The following SYNDIG1L variants were observed in gnomAD, a reference collection of about 807,000 sequenced individuals.
SYNDIG1L encodes the protein synapse differentiation inducing 1 like.
In SYNDIG1L, 13 loss-of-function variants were observed where a neutral mutation model predicts 20.1. The observed-to-expected ratio is 0.65, with a 90% CI of 0.42 to 1.03. The LOEUF (loss-of-function observed/expected upper bound fraction) is 1.03. Ranked by LOEUF, SYNDIG1L falls within the 50% of genes least tolerant of loss-of-function variation. The pLI is 0.00. For missense variants in SYNDIG1L, 294 were observed against 305.1 expected (o/e 0.96, Z 0.27); for synonymous variants, 128 against 129.3 (o/e 0.99, Z 0.07).
At chr14:74,414,765 T>C (rs1207142985) in intron 1 of SYNDIG1L, among the ~76,000 whole-genome samples, 3 of 152,198 alleles carry the variant, frequency 2.0e-5, no homozygotes, top group Non-Finnish European at 4.4e-5. Context: ...TGACTCTAGA[T>C]TCCTGGTAAT....
chr14:74,459,275 G>A, the SYNDIG1L span, among the ~76,000 whole-genome samples: 4 of 152,250 alleles, frequency 2.6e-5, no homozygotes, highest in South Asian at 8.3e-4. Flanking sequence ...CAGCACTTTG[G>A]GAGGCTGAGG....
chr14:74,409,313 A>T lies in SYNDIG1L; in HGVS notation c.417+15T>A. ...TGCTCATGCTGGAATCTGCATTTTA[A>T]CCTCATGCACTCACCTCCTCTTCCT... is the stretch of plus-strand genomic sequence containing the variant. On this transcript the variant is annotated intron_variant, in intron 2 of 3. Transcript: ENST00000331628. The T allele has an allele frequency of 1.4e-6, 2 of 1,438,740 alleles. No individual in the cohort carries two copies. The highest frequency in any genetic ancestry group is 1.8e-6 in the Non-Finnish European group (2 of 1,083,184). The allele number at this position is 1,438,740 out of a possible 1,614,324, so 89.1% of individuals were successfully genotyped here.
intron 1 of SYNDIG1L, among the ~76,000 whole-genome samples, chr14:74,414,535 G>C (rs547619332): frequency 1.4e-4 from 21 of 152,306 alleles, no homozygotes; most frequent in Non-Finnish European, 2.5e-4. Flanking sequence ...GAATCCGCTG[G>C]AGTCAAATTA....
intron 1 of SYNDIG1L, among the ~76,000 whole-genome samples, chr14:74,415,664 C>T (rs2086168465): frequency 6.6e-6 from 1 of 152,036 alleles, no homozygotes; most frequent in Non-Finnish European, 1.5e-5. Context: ...CTCAACCTCC[C>T]AGGTAGCTGG....
the SYNDIG1L span, among the ~76,000 whole-genome samples, chr14:74,440,065 T>C: frequency 6.6e-6 from 1 of 151,892 alleles, no homozygotes; most frequent in East Asian, 1.9e-4. Flanking sequence ...TAGTCTACCA[T>C]GGCATTATTT....
intron 1 of SYNDIG1L, among the ~76,000 whole-genome samples, chr14:74,417,153 C>A (rs1234339146): frequency 6.6e-6 from 1 of 152,202 alleles, no homozygotes; most frequent in Non-Finnish European, 1.5e-5. Context: ...TTTCTGAGAT[C>A]ACACAGCTAG....
the SYNDIG1L span, among the ~76,000 whole-genome samples, chr14:74,448,618 A>G: frequency 1.3e-5 from 2 of 152,316 alleles, no homozygotes; most frequent in East Asian, 1.9e-4. Context: ...ACCAAGATAG[A>G]CCATATTTTG....
chr14:74,407,727 T>G (rs2086094629), intron 3 of SYNDIG1L, 34 bp from the exon 4 acceptor site: 3 of 1,578,406 alleles, frequency 1.9e-6, no homozygotes, highest in Non-Finnish European at 2.6e-6. Context: ...AACAGGAGTG[T>G]CCCCACACCC....
At chr14:74,458,553 C>A in the SYNDIG1L span, among the ~76,000 whole-genome samples, 5 of 145,026 alleles carry the variant, frequency 3.4e-5, no homozygotes, top group African/African-American at 1.3e-4. Flanking sequence ...ACCCAGGAGG[C>A]GGAGGTTGCA....
the SYNDIG1L span, among the ~76,000 whole-genome samples, chr14:74,469,762 T>G: frequency 6.6e-6 from 1 of 152,214 alleles, no homozygotes; most frequent in Non-Finnish European, 1.5e-5. Context: ...AATTCAGAGA[T>G]GCCAAGAACA....
the SYNDIG1L span, among the ~76,000 whole-genome samples, chr14:74,477,269 C>T: frequency 3.9e-5 from 6 of 152,178 alleles, no homozygotes; most frequent in East Asian, 7.7e-4. Context: ...CTTTCTTACA[C>T]GACTCCTTTT....
chr14:74,409,252 A>ATTTT, intron 2 of SYNDIG1L, 76 bp downstream of exon 2: 2 of 934,362 alleles, frequency 2.1e-6, no homozygotes, highest in South Asian at 2.4e-5. Flanking sequence ...CTAATTTTCA[A>ATTTT]TTTTTTTTTT....
chr14:74,469,751 A>G, the SYNDIG1L span, among the ~76,000 whole-genome samples: 1 of 152,192 alleles, frequency 6.6e-6, no homozygotes, highest in Non-Finnish European at 1.5e-5. Flanking sequence ...TTGTGGCTTT[A>G]AATTCAGAGA....
the SYNDIG1L span, among the ~76,000 whole-genome samples, chr14:74,436,102 G>A: frequency 5.4e-4 from 82 of 152,208 alleles, no homozygotes; most frequent in Non-Finnish European, 5.4e-4. Context: ...CAGCAAAGAC[G>A]GGATGATTTT....
the SYNDIG1L span, among the ~76,000 whole-genome samples, chr14:74,432,180 T>TGTGTGTGTGTGA: frequency 0.016 from 1,977 of 123,910 alleles, 22 homozygotes; most frequent in South Asian, 0.026. Context: ...TGTGTGTGTG[T>TGTGTGTGTGTGA]GAGAGAGAGA....
At chr14:74,437,729 T>C in the SYNDIG1L span, among the ~76,000 whole-genome samples, 2 of 152,196 alleles carry the variant, frequency 1.3e-5, no homozygotes, top group African/African-American at 2.4e-5. Context: ...TGTGTTTTAC[T>C]ATTAGCAAAC....
At chr14:74,464,137 T>C in the SYNDIG1L span, among the ~76,000 whole-genome samples, 1 of 152,162 alleles carries the variant, frequency 6.6e-6, no homozygotes, top group Admixed American at 6.5e-5. Flanking sequence ...TGGTTATACC[T>C]GCCCTGAAAG....
the SYNDIG1L span, among the ~76,000 whole-genome samples, chr14:74,452,741 C>T: frequency 6.6e-6 from 1 of 152,138 alleles, no homozygotes; most frequent in African/African-American, 2.4e-5. Context: ...TAAGTATTTA[C>T]CCATGGGAAA....
the SYNDIG1L span, among the ~76,000 whole-genome samples, chr14:74,442,700 C>T: frequency 6.6e-6 from 1 of 152,114 alleles, no homozygotes; most frequent in Non-Finnish European, 1.5e-5. Flanking sequence ...TAGGAGGCCA[C>T]TACTACGGTT....
Sources: gnomAD v4.1 joint callset for allele counts (sites outside exome capture counted in the v4.1 genomes callset) on GRCh38, gnomAD v4.1.1 for gene constraint, MANE v1.5 for transcripts, NCBI Gene and HGNC (gene_info 2026-07-23, HGNC 2026-07-21) for gene names.